The following HUWE1 variants were observed in gnomAD, a reference collection of about 807,000 sequenced individuals.
The protein encoded by HUWE1 is HECT, UBA and WWE domain containing E3 ubiquitin protein ligase 1.
Under a neutral mutation model 299.4 loss-of-function variants are expected in HUWE1, and 18 were observed. That is an observed-to-expected ratio of 0.06 (90% CI 0.04 to 0.09). The LOEUF is 0.09. HUWE1 is among the 10% of genes least tolerant of loss of function. HUWE1 has a pLI of 1.00. For missense variants in HUWE1, 1,832 were observed against 3,462.3 expected, an observed-to-expected ratio of 0.53 and a Z score of 11.82; for synonymous variants, 1,317 against 1,286.1, an observed-to-expected ratio of 1.02 and a Z score of -0.51.
At chrX:53,675,103 CTG>C (rs1557050663) in intron 3 of HUWE1, among the ~76,000 whole-genome samples, 2 of 111,233 alleles carry the variant, frequency 1.8e-5, no homozygotes, top group East Asian at 5.6e-4. Context: ...TGAAGTACAG[CTG>C]TTTCTTTACA....
intron 76 of HUWE1, among the ~76,000 whole-genome samples, 157 bp downstream of exon 76, chrX:53,538,678 G>A (rs782144904): frequency 2.6e-4 from 27 of 105,139 alleles, no homozygotes; most frequent in Non-Finnish European, 3.7e-4. Flanking sequence ...CAGGGTTTAC[G>A]TGCACGGGTG....
chrX:53,535,511 C>T lies in HUWE1; in HGVS notation c.12532-10G>A, dbSNP rs782250051. The T allele has an allele frequency of 5.5e-5, 58 of 1,064,133 alleles. No homozygotes were observed. The South Asian group carries it at 1.0e-3, about 19-fold the overall frequency. The allele number at this position is 1,064,133 out of a possible 1,213,427, so 87.7% of individuals were successfully genotyped here. On this transcript the variant is annotated splice_polypyrimidine_tract_variant and intron_variant, in intron 80 of 83. Coordinates refer to ENST00000262854, the MANE Select transcript of HUWE1 (RefSeq NM_031407.7). ...CTCCAAACTCTTGGACCTAGAACAACCAAAACACCAATCATACATATCAGA... is the reference window on the plus strand; with the variant it reads ...CTCCAAACTCTTGGACCTAGAACAATCAAAACACCAATCATACATATCAGA...
At chrX:53,626,116 C>T in intron 17 of HUWE1, 1 of 333,761 alleles carries the variant, frequency 3.0e-6, no homozygotes, top group Non-Finnish European at 5.8e-6. Flanking sequence ...AAAATTTCTT[C>T]CATTAATGTG....
chrX:53,604,573 C>G lies in HUWE1; in HGVS notation c.2742+16G>C, dbSNP rs1556994831. The stretch of plus-strand genomic sequence containing the variant: ...TGCCTTTAAATTAATATGTTCACCC[C>G]TAAGGTTATTTTTACCTGTCCAACT... On this transcript the variant is annotated intron_variant, in intron 26 of 83. Coordinates refer to ENST00000262854, the MANE Select transcript of HUWE1 (RefSeq NM_031407.7). 2.5e-6 allele frequency: 3 copies of G among 1,209,505 alleles called. No individual in the cohort carries two copies. The Admixed American group carries it at 6.5e-5, about 26-fold the overall frequency.
chrX:53,542,241 CCCA>C (rs1556919154), intron 74 of HUWE1, among the ~76,000 whole-genome samples, 199 bp downstream of exon 74: 1 of 111,811 alleles, frequency 8.9e-6, no homozygotes, highest in East Asian at 2.8e-4. Context: ...TGCATGATAT[CCCA>C]CCATTTTCTT....
At chrX:53,586,160 A>C (rs2063848530) in intron 39 of HUWE1, among the ~76,000 whole-genome samples, 2 of 112,247 alleles carry the variant, frequency 1.8e-5, no homozygotes, top group East Asian at 2.8e-4. Flanking sequence ...AGATGTACTG[A>C]AACAAAAATT....
At position 53,586,887 on chromosome X, in the gene HUWE1, C is replaced by A. The variant is rs864309623; in HGVS notation, c.4637G>T (p.Trp1546Leu). 8.3e-7 allele frequency: 1 copy of A among 1,211,257 alleles called. No homozygotes were observed. ...AAGGATGCCACTTGATTCAACCACC[C>A]AAGCACAAGGTAGCTTCAACTCCTG... ...LFEELKLPCA[W>L]VVESSGILNV... is the part of the protein sequence containing the mutation. The change falls in exon 38 of 84, where the codon TGG becomes TTG. Residue 1546 changes from tryptophan to leucine, a missense_variant. By Grantham distance (61) the Trp-to-Leu change is moderately conservative. Around this residue, in one of 15 missense-constraint regions of HUWE1, gnomAD observed 658 missense variants for 1,282.6 expected, o/e 0.51. Coordinates refer to ENST00000262854, the MANE Select transcript of HUWE1 (RefSeq NM_031407.7).
rs1322237478 is a variant in HUWE1 at position 53,532,119 on chromosome X, A to T, written c.*1190T>A. 2 of 111,235 alleles carry T rather than the reference A, an allele frequency of 1.8e-5. No homozygotes were observed. The highest frequency in any genetic ancestry group is 6.6e-5 in the African/African-American group (2 of 30,502). The allele number at this position is 111,235 out of a possible 1,213,427, so 9.2% of individuals were successfully genotyped here. A position where few individuals can be genotyped will look rare whatever the true frequency, so the allele number is the denominator to read the frequency against. On this transcript the variant is annotated 3_prime_UTR_variant, in exon 84 of 84. Coordinates refer to ENST00000262854, the MANE Select transcript of HUWE1 (RefSeq NM_031407.7). Reference sequence around the variant, plus strand: ...ACTTGGGGTTATTTTTTCTAACTAAATTTTTATTAAATTATTTTTTCTTTG... The same window carrying T: ...ACTTGGGGTTATTTTTTCTAACTAATTTTTTATTAAATTATTTTTTCTTTG...
chrX:53,574,373 G>A (rs1032950573), intron 46 of HUWE1, among the ~76,000 whole-genome samples: 1 of 112,349 alleles, frequency 8.9e-6, no homozygotes, highest in Non-Finnish European at 1.9e-5. Context: ...TACTTTACAT[G>A]TCCATTATAT....
chrX:53,563,232 A>G (rs782693126), intron 52 of HUWE1, among the ~76,000 whole-genome samples: 13 of 112,477 alleles, frequency 1.2e-4, no homozygotes, highest in Middle Eastern at 4.6e-3. Flanking sequence ...ATACGTGTCT[A>G]CTTCCATTTA....
intron 7 of HUWE1, among the ~76,000 whole-genome samples, chrX:53,638,796 A>G (rs1300011694): frequency 8.9e-6 from 1 of 112,015 alleles, no homozygotes; most frequent in Non-Finnish European, 1.9e-5. Flanking sequence ...TACTAGACCT[A>G]GAGTATACCA....
chrX:53,603,696 C>T (rs782259765), intron 26 of HUWE1, among the ~76,000 whole-genome samples, 195 bp from the exon 27 acceptor site: 12 of 112,338 alleles, frequency 1.1e-4, no homozygotes, highest in Non-Finnish European at 1.9e-4. Context: ...TATTTACAAA[C>T]TATTTCCACA....
chrX:53,565,890 C>G (rs2062508543), intron 49 of HUWE1, among the ~76,000 whole-genome samples: 1 of 108,714 alleles, frequency 9.2e-6, no homozygotes, highest in South Asian at 4.0e-4. Flanking sequence ...CCTCGCCCGG[C>G]TGATAACAGT....
At chrX:53,533,842 C>T (rs1430794277) in intron 83 of HUWE1, 165 bp downstream of exon 83, 3 of 520,809 alleles carry the variant, frequency 5.8e-6, no homozygotes, top group Admixed American at 2.7e-5. Context: ...GTGTCTAGCA[C>T]ATCTCATCTC....
chrX:53,536,313 G>C, intron 79 of HUWE1, 61 bp from the exon 80 acceptor site: 2 of 1,164,659 alleles, frequency 1.7e-6, no homozygotes, highest in Non-Finnish European at 2.3e-6. Context: ...AGGAGCACAA[G>C]GATGGGACAC....
chrX:53,623,869 A>G (rs782626228), intron 19 of HUWE1, among the ~76,000 whole-genome samples: 4 of 112,184 alleles, frequency 3.6e-5, no homozygotes, highest in Non-Finnish European at 5.6e-5. Flanking sequence ...AACACCCCAA[A>G]CTGTAAAACA....
intron 74 of HUWE1, among the ~76,000 whole-genome samples, chrX:53,542,028 C>T (rs954814549): frequency 4.2e-4 from 46 of 110,529 alleles, no homozygotes; most frequent in Non-Finnish European, 8.7e-4. Flanking sequence ...AAAAAAAATA[C>T]AAAAACTAGC....
At chrX:53,581,056 T>C (rs1361033778) in intron 42 of HUWE1, 30 bp from the exon 43 acceptor site, 1 of 1,111,208 alleles carries the variant, frequency 9.0e-7, no homozygotes, top group Admixed American at 2.4e-5. Context: ...ACACTGTCGA[T>C]TAAACACTAC....
At chrX:53,615,882 T>C (rs1370156433) in intron 21 of HUWE1, 47 bp from the exon 22 acceptor site, 22 of 930,766 alleles carry the variant, frequency 2.4e-5, no homozygotes, top group Non-Finnish European at 3.3e-5. Flanking sequence ...CTGAAGAAAA[T>C]AGAGCTTGGG....
Sources: gnomAD v4.1 joint callset for allele counts (sites outside exome capture counted in the v4.1 genomes callset) on GRCh38, gnomAD v4.1.1 for gene constraint, gnomAD v4.1.1 regional missense constraint, MANE v1.5 for transcripts, NCBI Gene and HGNC (gene_info 2026-07-23, HGNC 2026-07-21) for gene names.